Variants in PTCH2 observed in about 807,000 individuals in gnomAD.
PTCH2 encodes the protein protein patched homolog 2.
Under a neutral mutation model 117.9 loss-of-function variants are expected in PTCH2, and 96 were observed. That is an observed-to-expected ratio of 0.81 (90% CI 0.69 to 0.96). The LOEUF is 0.96. PTCH2 is among the 50% of genes least tolerant of loss of function. The probability of loss-of-function intolerance (pLI) is 0.00; values close to 1 mark genes in which losing one functional copy is unlikely to be tolerated. For missense variants in PTCH2, 1,379 were observed against 1,562.5 expected, an observed-to-expected ratio of 0.88 and a Z score of 1.98; for synonymous variants, 615 against 660.9, an observed-to-expected ratio of 0.93 and a Z score of 1.06.
chr1:44,830,269 G>A (rs1020443479), intron 6 of PTCH2, among the ~76,000 whole-genome samples: 27 of 152,208 alleles, frequency 1.8e-4, no homozygotes, highest in African/African-American at 5.1e-4. Flanking sequence ...TGTAACTGGC[G>A]GATTCTGAAA....
At chr1:44,830,135 G>A in intron 6 of PTCH2, 105 bp from the exon 7 acceptor site, 1 of 1,472,740 alleles carries the variant, frequency 6.8e-7, no homozygotes, top group East Asian at 2.3e-5. Flanking sequence ...AGCTCAGTAG[G>A]GCTGGAGTGT....
chr1:44,841,200 C>A (rs997327601), intron 2 of PTCH2, among the ~76,000 whole-genome samples: 42 of 150,734 alleles, frequency 2.8e-4, no homozygotes, highest in Non-Finnish European at 5.5e-4. Flanking sequence ...AACAACCCCC[C>A]CCAAAAAAAA....
Position 44,836,285 on chromosome 1 carries a change from G to A in PTCH2, c.266-3944C>T, listed in dbSNP as rs375625879. Among the ~76,000 whole-genome samples, 18 of 152,274 alleles carry A rather than the reference G, an allele frequency of 1.2e-4. 1 individual carries two copies. Among genetic ancestry groups the A allele is most frequent in the African/African-American group, 4.1e-4 (17 of 41,574 alleles). On this transcript the variant is annotated intron_variant, in intron 2 of 21. Transcript: ENST00000372192. The stretch of plus-strand genomic sequence containing the variant: ...AAGAGAGCAAATGAGAAGTTGGCTG[G>A]GAGGCTACTAATACATTTTTCCTCA...
chr1:44,827,162 C>T lies in PTCH2; in HGVS notation c.2514+5G>A. 6.2e-7 allele frequency: 1 copy of T among 1,614,046 alleles called. No homozygotes were observed. The highest frequency in any genetic ancestry group is 1.1e-5 in the South Asian group (1 of 91,088). On this transcript the variant is annotated splice_donor_5th_base_variant and intron_variant, in intron 16 of 21. Coordinates refer to ENST00000372192, the MANE Select transcript of PTCH2 (RefSeq NM_003738.5). ...ACTAGTGGACCCCTCCAGCCCTCTCCCAACCTGGCTGAAATCCAGAGGCTC... is the reference window on the plus strand; with the variant it reads ...ACTAGTGGACCCCTCCAGCCCTCTCTCAACCTGGCTGAAATCCAGAGGCTC...
downstream of PTCH2, chr1:44,820,300 C>T: frequency 2.1e-6 from 1 of 477,794 alleles, no homozygotes; most frequent in South Asian, 1.5e-5. Context: ...CTCTGCTGGT[C>T]CTCCTGGGAC....
chr1:44,828,259 G>C, intron 13 of PTCH2, 37 bp downstream of exon 13: 1 of 1,612,790 alleles, frequency 6.2e-7, no homozygotes, highest in African/African-American at 1.3e-5. Context: ...AGGCTGGCGT[G>C]GGTCACGGGA....
At chr1:44,842,556 C>T (rs1214830360) in intron 1 of PTCH2, among the ~76,000 whole-genome samples, 1 of 152,170 alleles carries the variant, frequency 6.6e-6, no homozygotes, top group East Asian at 1.9e-4. Context: ...GGATTACAGG[C>T]GTGAGTCACC....
rs770231135 is a variant in PTCH2 at position 44,832,180 on chromosome 1, T to G, written c.427A>C (p.Ser143Arg). The change falls in exon 3 of 22, where the codon AGT becomes CGT. Residue 143 changes from serine (S) to arginine (R), a missense_variant. Transcript: ENST00000372192. ...CCATAGAGTGATACTTGGACTTTAC[T>G]GGCAGTGAGGGCTGCCTGGAGGTGG... ...GLHLQAALTA[S>R]KVQVSLYGKS... The G allele has an allele frequency of 4.3e-6, 7 of 1,614,066 alleles. No homozygotes were observed. The African/African-American group carries it at 9.3e-5, about 22-fold the overall frequency.
At chr1:44,834,809 A>G (rs1465869929) in intron 2 of PTCH2, among the ~76,000 whole-genome samples, 2 of 152,230 alleles carry the variant, frequency 1.3e-5, no homozygotes, top group African/African-American at 4.8e-5. Context: ...TGGGCTCATT[A>G]GTTATTCTCT....
chr1:44,822,567 C>G lies in PTCH2; in HGVS notation c.3460G>C (p.Ala1154Pro). ...GASSSLPQSF[A>P]RVTTSMTVAI... The stretch of plus-strand genomic sequence containing the variant: ...ACGGTCATGGAGGTAGTCACTCTGG[C>G]AAAGCTCTGGGGCAGGGAGGAGGAT... The change falls in exon 22 of 22, where the codon GCC becomes CCC. Residue 1154 changes from alanine (A) to proline (P), a missense_variant. Transcript: ENST00000372192. The G allele has an allele frequency of 6.2e-7, 1 of 1,614,062 alleles. No homozygotes were observed. Among genetic ancestry groups the G allele is most frequent in the South Asian group, 1.1e-5 (1 of 91,084 alleles).
At chr1:44,820,458 A>G (rs1652868255), downstream of PTCH2, 1 of 683,580 alleles carries the variant, frequency 1.5e-6, no homozygotes, top group Non-Finnish European at 2.7e-6. Context: ...ACAGACACTC[A>G]GGGGCACTGG....
At chr1:44,842,467 C>G (rs1053591642) in intron 1 of PTCH2, among the ~76,000 whole-genome samples, 1 of 151,942 alleles carries the variant, frequency 6.6e-6, no homozygotes, top group African/African-American at 2.4e-5. Context: ...TTAGTAGAGA[C>G]AGAGTTTCCC....
At chr1:44,830,804 GGAAGGAAA>G (rs1557646879) in intron 6 of PTCH2, 36 bp downstream of exon 6, 1 of 1,500,502 alleles carries the variant, frequency 6.7e-7, no homozygotes, top group Admixed American at 2.1e-5. Context: ...GAAGGGAAAG[GGAAGGAAA>G]ACAGCCTTTC....
intron 2 of PTCH2, among the ~76,000 whole-genome samples, chr1:44,836,206 A>G (rs1366711782): frequency 1.3e-5 from 2 of 152,204 alleles, no homozygotes; most frequent in Non-Finnish European, 2.9e-5. Flanking sequence ...CAGTAATTCC[A>G]TTGCCTTTGC....
In PTCH2 at chr1:44,832,274, G is replaced by A. The variant is rs2148880350; in HGVS notation, c.333C>T (p.Thr111=). The stretch of plus-strand genomic sequence containing the variant: ...GTGCGGTCTGTATCAGCATCTGAGA[G>A]GTGTATGCAGCCTCCTCCCCCAGCT... The part of the protein sequence containing the change: ...KEKLGEEAAY[T]SQMLIQTARQ... Residue 111 remains threonine, a synonymous_variant, in exon 3 of 22, where the codon ACC becomes ACT. Coordinates refer to ENST00000372192, the MANE Select transcript of PTCH2 (RefSeq NM_003738.5). 6.2e-7 allele frequency: 1 copy of A among 1,614,224 alleles called. No homozygotes were observed. Among genetic ancestry groups the A allele is most frequent in the Non-Finnish European group, 8.5e-7 (1 of 1,180,034 alleles).
intron 6 of PTCH2, 25 bp from the exon 7 acceptor site, chr1:44,830,055 T>A: frequency 6.2e-7 from 1 of 1,612,914 alleles, no homozygotes; most frequent in East Asian, 2.2e-5. Flanking sequence ...GAGGGGTTAA[T>A]GCTCAAGGCC....
chr1:44,820,169 G>A, downstream of PTCH2: 2 of 350,086 alleles, frequency 5.7e-6, no homozygotes, highest in Admixed American at 3.8e-5. Flanking sequence ...GGGAGTGCAA[G>A]CATCTTGAGG....
chr1:44,833,316 G>C (rs536177831), intron 2 of PTCH2, among the ~76,000 whole-genome samples: 5 of 152,124 alleles, frequency 3.3e-5, no homozygotes, highest in Non-Finnish European at 4.4e-5. Context: ...CAGACCCTGC[G>C]CTGTTTCCAC....
intron 6 of PTCH2, among the ~76,000 whole-genome samples, chr1:44,830,284 TACC>T (rs967945540): frequency 3.3e-5 from 5 of 152,228 alleles, no homozygotes; most frequent in South Asian, 4.1e-4. Flanking sequence ...CTGAAAAAAG[TACC>T]ACATTTGCAG....
Sources: gnomAD v4.1 joint callset for allele counts (sites outside exome capture counted in the v4.1 genomes callset) on GRCh38, gnomAD v4.1.1 for gene constraint, MANE v1.5 for transcripts, NCBI Gene and HGNC (gene_info 2026-07-23, HGNC 2026-07-21) for gene names.